Variants in NKTR observed in about 807,000 individuals in gnomAD.
The protein encoded by NKTR is natural killer cell triggering receptor, also known as NK-tumor recognition protein.
Under a neutral mutation model 156.3 loss-of-function variants are expected in NKTR, and 67 were observed. That is an observed-to-expected ratio of 0.43 (90% CI 0.35 to 0.53). NKTR has a LOEUF of 0.53. Among genes scored for constraint, NKTR ranks in the 20% least tolerant of loss-of-function variants. NKTR has a pLI of 0.01. For synonymous variants in NKTR, 640 were observed against 596.6 expected, an observed-to-expected ratio of 1.07 and a Z score of -1.06; for missense variants, 1,604 against 1,730.9, an observed-to-expected ratio of 0.93 and a Z score of 1.30.
chr3:42,628,136 T>G (rs1254924598), intron 6 of NKTR: 1 of 984,634 alleles, frequency 1.0e-6, no homozygotes. Flanking sequence ...ACTTTTAGTA[T>G]TCTTAATATG....
At chr3:42,608,535 GCT>G (rs952253904) in intron 2 of NKTR, among the ~76,000 whole-genome samples, 26 of 152,278 alleles carry the variant, frequency 1.7e-4, no homozygotes, top group Admixed American at 1.5e-3. Context: ...CAGTCTGGAA[GCT>G]CTCTCTAAAC....
At position 42,619,015 on chromosome 3, in the gene NKTR, T is replaced by TCC; in HGVS notation, c.134-4_134-3dup. 1 of 1,540,244 alleles carries TCC rather than the reference T, an allele frequency of 6.5e-7. No individual in the cohort carries two copies. Among genetic ancestry groups the TCC allele is most frequent in the African/African-American group, 1.5e-5 (1 of 68,606 alleles). ...TTCATTTCTTTTTTTTTTTTTTTTT[T>TCC]CCAGGAGAGAAAGGCCTTGGGAAAA... On this transcript the variant is annotated splice_polypyrimidine_tract_variant and splice_region_variant and intron_variant, in intron 3 of 16. Coordinates refer to ENST00000232978, the MANE Select transcript of NKTR (RefSeq NM_005385.4).
chr3:42,620,199 TC>T, intron 5 of NKTR: 2 of 1,277,616 alleles, frequency 1.6e-6, no homozygotes, highest in Non-Finnish European at 2.0e-6. Context: ...TGCTTCTGTA[TC>T]TTTTTTCATT....
intron 15 of NKTR, 25 bp downstream of exon 15, chr3:42,643,420 CCAGT>C: frequency 6.3e-7 from 1 of 1,585,590 alleles, no homozygotes; most frequent in Non-Finnish European, 8.7e-7. Context: ...TGGGAAACCA[CCAGT>C]GGGGCAGAAC....
At chr3:42,605,414 A>G (rs1343785394) in intron 2 of NKTR, among the ~76,000 whole-genome samples, 1 of 152,216 alleles carries the variant, frequency 6.6e-6, no homozygotes, top group Non-Finnish European at 1.5e-5. Flanking sequence ...TTTAGCAAAC[A>G]TTGTAAAGTA....
rs549780488 is a variant in NKTR at position 42,646,230 on chromosome 3, G to A, written c.*255G>A. On this transcript the variant is annotated 3_prime_UTR_variant, in exon 17 of 17. Transcript: ENST00000232978. ...TTTCATTTTCTTGAATCAAGAAATC[G>A]TGAAATTTATCTATGTATAATTTGC... 156 of 347,208 alleles carry A rather than the reference G, an allele frequency of 4.5e-4. No homozygotes were observed. Among genetic ancestry groups the A allele is most frequent in the South Asian group, 3.4e-3 (75 of 21,942 alleles). The allele number at this position is 347,208 out of a possible 1,614,324, so 21.5% of individuals were successfully genotyped here.
chr3:42,633,381 C>T, intron 9 of NKTR, 199 bp from the exon 10 acceptor site: 1 of 1,356,752 alleles, frequency 7.4e-7, no homozygotes, highest in South Asian at 1.8e-5. Flanking sequence ...GATCATTTAA[C>T]AATTTTCCTA....
chr3:42,619,505 T>C, intron 4 of NKTR, 159 bp from the exon 5 acceptor site: 4 of 1,465,278 alleles, frequency 2.7e-6, no homozygotes, highest in Non-Finnish European at 3.6e-6. Context: ...TGACATATAT[T>C]TTACAGATGA....
At chr3:42,621,292 CT>C (rs1559564017) in intron 5 of NKTR, 136 bp from the exon 6 acceptor site, 1 of 1,332,672 alleles carries the variant, frequency 7.5e-7, no homozygotes, top group Non-Finnish European at 9.6e-7. Context: ...TTAAATTTTT[CT>C]TTTCTGAGTG....
At position 42,642,516 on chromosome 3, in the gene NKTR, T is replaced by C. The variant is rs771944450; in HGVS notation, c.4062T>C (p.Ser1354=). 6.2e-7 allele frequency: 1 copy of C among 1,613,420 alleles called. No individual in the cohort carries two copies. Residue 1354 remains serine, a synonymous_variant, in exon 14 of 17, where the codon TCT becomes TCC. Transcript: ENST00000232978. ...TTAATTGTAGATCAAGAAGCTACTC[T>C]AGAAGTCGGAGCAGAGGATGGTACA... ...STSSYRSRSY[S]RSRSRGWYSR...
Position 42,645,899 on chromosome 3 carries a change from C to T in NKTR, c.4313C>T (p.Ser1438Phe), listed in dbSNP as rs374798366. 3.2e-5 allele frequency: 51 copies of T among 1,610,600 alleles called. No homozygotes were observed. The highest frequency in any genetic ancestry group is 4.2e-5 in the Non-Finnish European group (50 of 1,177,704). ...TTTTGTTATTACAGGAGTTGTAGAT[C>T]TTATGGCTCTGACAGTGAAAGTGAC... Reference protein sequence around the residue: ...SYNRRSRSCRSYGSDSESDRS... With the variant: ...SYNRRSRSCRFYGSDSESDRS... Residue 1438 changes from serine to phenylalanine, a missense_variant, in exon 17 of 17, where the codon TCT becomes TTT. Ser to Phe is a radical substitution (Grantham distance 155). This residue lies in a region of NKTR where 193 missense variants were observed against 220.2 expected (regional missense o/e 0.88). Transcript: ENST00000232978.
At position 42,648,041 on chromosome 3, in the gene NKTR, G is replaced by A. The variant is rs1158062067; in HGVS notation, c.*2066G>A. 1.3e-5 allele frequency: 2 copies of A among 152,156 alleles called. No individual in the cohort carries two copies. The highest frequency in any genetic ancestry group is 2.9e-5 in the Non-Finnish European group (2 of 68,056). The allele number at this position is 152,156 out of a possible 1,614,324, so 9.4% of individuals were successfully genotyped here. A position where few individuals can be genotyped will look rare whatever the true frequency, so the allele number is the denominator to read the frequency against. ...TTCAGTTCTTTGCTGGCTCTCAGCT[G>A]GAGGCCCCTCTCTCACCTCAAGGCT... On this transcript the variant is annotated 3_prime_UTR_variant, in exon 17 of 17. Transcript: ENST00000232978.
intron 13 of NKTR, 76 bp downstream of exon 13, chr3:42,639,826 G>A (rs900789703): frequency 2.0e-6 from 2 of 990,278 alleles, no homozygotes; most frequent in Non-Finnish European, 3.0e-6. Context: ...ATCAGAATTA[G>A]GGACAGAATC....
At chr3:42,600,961 G>A (rs1411794999) in intron 1 of NKTR, 23 bp from the exon 2 acceptor site, 8 of 1,424,402 alleles carry the variant, frequency 5.6e-6, no homozygotes, top group Non-Finnish European at 7.6e-6. Flanking sequence ...TGCCCTGACC[G>A]CTTTTCTCCC....
chr3:42,602,897 T>C (rs1705693440), intron 2 of NKTR: 1 of 151,438 alleles, frequency 6.6e-6, no homozygotes, highest in African/African-American at 2.4e-5. Context: ...CTCTTAGTTT[T>C]TGCCTGTAGT....
At position 42,635,284 on chromosome 3, in the gene NKTR, ACTC is replaced by A. The variant is rs749097561; in HGVS notation, c.1088_1090del (p.Pro363del). 2 of 1,612,902 alleles carry A rather than the reference ACTC, an allele frequency of 1.2e-6. No individual in the cohort carries two copies. The highest frequency in any genetic ancestry group is 1.1e-5 in the South Asian group (1 of 91,058). ...GTCAGATGATGATGACAGCAGTGAA[ACTC>A]CTCCTCACTGGAAAGAGGAAATGCA... On this transcript the variant is annotated inframe_deletion, in exon 12 of 17. Coordinates refer to ENST00000232978, the MANE Select transcript of NKTR (RefSeq NM_005385.4).
chr3:42,607,735 A>G (rs1204600046), intron 2 of NKTR, among the ~76,000 whole-genome samples: 1 of 152,126 alleles, frequency 6.6e-6, no homozygotes, highest in African/African-American at 2.4e-5. Flanking sequence ...GAAAAGGGGG[A>G]AAAAACATGT....
At chr3:42,611,854 T>C (rs555282318) in intron 2 of NKTR, among the ~76,000 whole-genome samples, 1 of 152,250 alleles carries the variant, frequency 6.6e-6, no homozygotes, top group East Asian at 1.9e-4. Flanking sequence ...TCCAAATCCT[T>C]GTTGGTTTTT....
At chr3:42,600,647 G>A (rs78321533), upstream of NKTR, 1 of 178,120 alleles carries the variant, frequency 5.6e-6, no homozygotes, top group Non-Finnish European at 1.2e-5. Context: ...ACTCTCGCGG[G>A]GTTTAGCGTG....
Sources: allele counts gnomAD v4.1 joint callset (sites outside exome capture counted in the v4.1 genomes callset), GRCh38; gene constraint gnomAD v4.1.1; regional missense constraint gnomAD v4.1.1; transcripts MANE v1.5; gene names NCBI Gene and HGNC (gene_info 2026-07-23, HGNC 2026-07-21).